The following CPSF1 variants were observed in gnomAD, a reference collection of about 807,000 sequenced individuals.
CPSF1 encodes the protein cleavage and polyadenylation specific factor 1, also known as cleavage and polyadenylation specificity factor subunit 1.
CPSF1 carries 106 observed loss-of-function variants against 175.8 expected under a neutral mutation model. The ratio of observed to expected loss-of-function variants is 0.60; its 90% CI spans 0.52 to 0.71. The LOEUF (loss-of-function observed/expected upper bound fraction) is 0.71, where lower values mean the gene tolerates loss of function less well. Ranked by LOEUF, CPSF1 falls within the 30% of genes least tolerant of loss-of-function variation. The pLI, the probability that CPSF1 is intolerant of heterozygous loss-of-function variation, is 0.00. For synonymous variants in CPSF1, 1,024 were observed against 858.3 expected (o/e 1.19, Z -3.37); for missense variants, 1,734 against 2,022.9 (o/e 0.86, Z 2.74).
Position 144,393,939 on chromosome 8 carries a change from G to A in CPSF1, c.3959C>T (p.Thr1320Ile), listed in dbSNP as rs1820522258. 6.2e-7 allele frequency: 1 copy of A among 1,613,610 alleles called. No individual in the cohort carries two copies. Among genetic ancestry groups the A allele is most frequent in the African/African-American group, 1.3e-5 (1 of 75,014 alleles). The change falls in exon 35 of 38, where the codon ACT (threonine) becomes ATT (isoleucine). Residue 1320 changes from threonine to isoleucine, a missense_variant. Thr to Ile is a moderately conservative substitution (Grantham distance 89). Around this residue, in one of 10 missense-constraint regions of CPSF1, gnomAD observed 323 missense variants for 338.5 expected, o/e 0.95. Transcript: ENST00000616140. ...TFWRTPCRGATEGLSKKSVVW... is the reference protein window; with the variant it reads ...TFWRTPCRGAIEGLSKKSVVW... ...GACCGACTTTTTGCTGAGCCCTTCA[G>A]TGGCCCCCCGGCACGGGGTCCTCCA...
chr8:144,400,512 C>T lies in CPSF1; in HGVS notation c.687-19G>A, dbSNP rs2116875874. On this transcript the variant is annotated intron_variant, in intron 7 of 37. Coordinates refer to ENST00000616140, the MANE Select transcript of CPSF1 (RefSeq NM_013291.3). Reference sequence around the variant, plus strand: ...CACGCGCCTGGGGACGCCAGTGGGTCAGCCAAGGGCCTTGCCTCCCCGCAG... The same window carrying T: ...CACGCGCCTGGGGACGCCAGTGGGTTAGCCAAGGGCCTTGCCTCCCCGCAG... The T allele has an allele frequency of 1.9e-6, 3 of 1,611,754 alleles. No homozygotes were observed. Among genetic ancestry groups the T allele is most frequent in the Non-Finnish European group, 2.5e-6 (3 of 1,179,828 alleles).
At chr8:144,405,855 C>A (rs1454158235) in intron 2 of CPSF1, among the ~76,000 whole-genome samples, 3 of 152,114 alleles carry the variant, frequency 2.0e-5, no homozygotes, top group African/African-American at 7.2e-5. Context: ...ACCAAGCTAG[C>A]CATGCTGGGG....
intron 2 of CPSF1, among the ~76,000 whole-genome samples, chr8:144,403,269 G>C (rs1258202694): frequency 6.6e-6 from 1 of 151,830 alleles, no homozygotes; most frequent in African/African-American, 2.4e-5. Flanking sequence ...GCTAATTTTT[G>C]TATTTTTAGT....
intron 36 of CPSF1, 22 bp downstream of exon 36, chr8:144,393,645 C>A: frequency 6.4e-7 from 1 of 1,566,540 alleles, no homozygotes. Flanking sequence ...GGGTGCTGCA[C>A]GGGGGCGGGG....
At chr8:144,405,205 C>T (rs2116901258) in intron 2 of CPSF1, among the ~76,000 whole-genome samples, 1 of 152,354 alleles carries the variant, frequency 6.6e-6, no homozygotes. Context: ...CCCAACCAAG[C>T]ATCAAAGCAT....
chr8:144,396,144 G>GGTCTGAAACCCACACCTTGTACCACA, intron 26 of CPSF1: 1 of 611,904 alleles, frequency 1.6e-6, no homozygotes, highest in Non-Finnish European at 2.8e-6. Flanking sequence ...AGGGGCTGCA[G>GGTCTGAAACCCACACCTTGTACCACA]CCCCAGCTCC....
Position 144,394,992 on chromosome 8 carries a change from A to G in CPSF1, c.3304T>C (p.Cys1102Arg). The change falls in exon 30 of 38, where the codon TGC becomes CGC. Residue 1102 changes from cysteine (C) to arginine (R), a missense_variant. Around this residue, in one of 10 missense-constraint regions of CPSF1, gnomAD observed 585 missense variants for 584.7 expected, o/e 1.00. Transcript: ENST00000616140. ...IELQEWEHVT[C>R]MKTVSLRSEE... is the part of the protein sequence containing the mutation. ...CTGCGCAGAGACACTGTCTTCATGC[A>G]GGTCACATGCTCCCACTCCTGCAGC... The G allele has an allele frequency of 6.2e-7, 1 of 1,612,044 alleles. No individual in the cohort carries two copies. The highest frequency in any genetic ancestry group is 8.5e-7 in the Non-Finnish European group (1 of 1,179,192).
At position 144,399,742 on chromosome 8, in the gene CPSF1, C is replaced by T. The variant is rs2116865763; in HGVS notation, c.1120-32G>A. 1.9e-5 allele frequency: 30 copies of T among 1,599,424 alleles called. No individual in the cohort carries two copies. The highest frequency in any genetic ancestry group is 9.4e-5 in the African/African-American group (7 of 74,608). On this transcript the variant is annotated intron_variant, in intron 11 of 37. Coordinates refer to ENST00000616140, the MANE Select transcript of CPSF1 (RefSeq NM_013291.3). This position sits in a 1 kb window ranked among gnomAD's most constrained non-coding sequence, Gnocchi z 6.4. ...GAGGGCAGGTGTGTGATGGCTGGGC[C>T]GGGTCTGGACCCAGACCCAACCCCT... is the stretch of plus-strand genomic sequence containing the variant.
chr8:144,395,341 G>A lies in CPSF1; in HGVS notation c.3111C>T (p.Ala1037=), dbSNP rs782559334. 2.5e-6 allele frequency: 4 copies of A among 1,613,514 alleles called. No homozygotes were observed. The highest frequency in any genetic ancestry group is 2.2e-5 in the South Asian group (2 of 91,072). The change falls in exon 28 of 38, where the codon GCC becomes GCT. Residue 1037 remains alanine (A), a synonymous_variant. Transcript: ENST00000616140. ...GGGCACACGGCGTGTTGGTGCTGGT[G>A]GCCACAGCATACACCTGTGGGTTAG... ...YHVESKVYAV[A]TSTNTPCARI...
chr8:144,402,029 G>A (rs1011993542), intron 2 of CPSF1, among the ~76,000 whole-genome samples: 3 of 152,162 alleles, frequency 2.0e-5, no homozygotes, highest in Admixed American at 1.3e-4. Context: ...GCCCAGCCCC[G>A]GCCCCTGGGT....
chr8:144,400,135 G>GGGGGGGCCCCCCCCCCCCCC, intron 9 of CPSF1, 31 bp downstream of exon 9: 13 of 895,972 alleles, frequency 1.5e-5, no homozygotes, highest in Middle Eastern at 3.7e-4. Context: ...CCGTCCCCGG[G>GGGGGGGCCCCCCCCCCCCCC]CCCCCCCCGC....
chr8:144,406,986 G>C (rs1305275953), intron 2 of CPSF1, among the ~76,000 whole-genome samples: 1 of 151,804 alleles, frequency 6.6e-6, no homozygotes, highest in Non-Finnish European at 1.5e-5. Flanking sequence ...TGCAATCTCG[G>C]CTCACTGCAA....
In CPSF1 at chr8:144,397,279, CT is replaced by C; in HGVS notation, c.2519del (p.Gln840ArgfsTer116). 2.6e-6 allele frequency: 4 copies of C among 1,549,664 alleles called. No homozygotes were observed. Among genetic ancestry groups the C allele is most frequent in the Non-Finnish European group, 3.5e-6 (4 of 1,147,130 alleles). On this transcript the variant is annotated frameshift_variant, in exon 23 of 38. Transcript: ENST00000616140. LOFTEE classifies it high-confidence loss of function. ...CCTCCTTGACGAGGGGCAGCTCCCC[CT>C]GGCGCGTGGCCTCCTCCCTGCGGGC... is the stretch of plus-strand genomic sequence containing the variant. ...GEARREEATR[Q>X]GELPLVKEVL...
In CPSF1 at chr8:144,400,777, GC is replaced by G. The variant is rs2116878070; in HGVS notation, c.579del (p.Arg194GlyfsTer3). 6.2e-7 allele frequency: 1 copy of G among 1,613,782 alleles called. No individual in the cohort carries two copies. The highest frequency in any genetic ancestry group is 8.5e-7 in the Non-Finnish European group (1 of 1,179,930). ...SSFLPSYIID[V>X]RALDEKLLNI... ...TTGAGCAGCTTCTCGTCTAGGGCCCGCACGTCGATGATGTAGCTGGGCAGGA... is the reference window on the plus strand; with the variant it reads ...TTGAGCAGCTTCTCGTCTAGGGCCCGACGTCGATGATGTAGCTGGGCAGGA... On this transcript the variant is annotated frameshift_variant, in exon 7 of 38. Coordinates refer to ENST00000616140, the MANE Select transcript of CPSF1 (RefSeq NM_013291.3). LOFTEE classifies it high-confidence loss of function.
At position 144,397,755 on chromosome 8, in the gene CPSF1, C is replaced by G. The variant is rs1554864532; in HGVS notation, c.2198G>C (p.Gly733Ala). 6.2e-7 allele frequency: 1 copy of G among 1,605,928 alleles called. No individual in the cohort carries two copies. The highest frequency in any genetic ancestry group is 1.7e-5 in the Admixed American group (1 of 59,746). ...AGCCCCCACGCACCTAGTCTCTGAGCCCAGGCCCTCGGCCTCCGGGCCACT... is the reference window on the plus strand; with the variant it reads ...AGCCCCCACGCACCTAGTCTCTGAGGCCAGGCCCTCGGCCTCCGGGCCACT... ...GRSGPEAEGLGSETSPTVDDE... is the reference protein window; with the variant it reads ...GRSGPEAEGLASETSPTVDDE... The change falls in exon 21 of 38, where the codon GGC becomes GCC. Residue 733 changes from glycine (G) to alanine (A), a missense_variant. This residue lies in a region of CPSF1 where 585 missense variants were observed against 584.7 expected (regional missense o/e 1.00). Coordinates refer to ENST00000616140, the MANE Select transcript of CPSF1 (RefSeq NM_013291.3).
intron 1 of CPSF1, 23 bp downstream of exon 1, chr8:144,409,266 C>T: frequency 8.3e-6 from 9 of 1,084,758 alleles, no homozygotes; most frequent in African/African-American, 1.7e-5. Flanking sequence ...GCTGCCGCCT[C>T]GGCCGCCCGC....
rs2116857332 is a variant in CPSF1, at chr8:144,399,030, G to A, written c.1476C>T (p.Asn492=). 805 of 1,599,284 alleles carry A rather than the reference G, an allele frequency of 5.0e-4. No individual in the cohort carries two copies. Among genetic ancestry groups the A allele is most frequent in the Non-Finnish European group, 6.7e-4 (787 of 1,173,544 alleles). The part of the protein sequence containing the change: ...EPAFLSEEFQ[N]SPEPDLEIVV... The stretch of plus-strand genomic sequence containing the variant: ...CAATCTCCAGGTCCGGCTCGGGGCT[G>A]TTCTGAAACTGCACAGGACTCGGGG... Residue 492 remains asparagine (N), a synonymous_variant, in exon 16 of 38, where the codon AAC becomes AAT. Coordinates refer to ENST00000616140, the MANE Select transcript of CPSF1 (RefSeq NM_013291.3). The surrounding 1 kb of genome is among the most constrained non-coding windows in gnomAD (Gnocchi z 6.4).
At chr8:144,398,917 G>A (rs1554865252) in intron 16 of CPSF1, 41 bp downstream of exon 16, 41 of 1,611,706 alleles carry the variant, frequency 2.5e-5, no homozygotes, top group Non-Finnish European at 3.5e-5. Flanking sequence ...AGCCCACCCA[G>A]GTCCCACCAG....
intron 23 of CPSF1, 85 bp downstream of exon 23, chr8:144,397,122 G>A (rs1204113340): frequency 1.6e-6 from 2 of 1,276,112 alleles, no homozygotes; most frequent in Non-Finnish European, 2.1e-6. Flanking sequence ...AGATGGGGTG[G>A]AGCCACGGGA....
Sources: gnomAD v4.1 joint callset for allele counts (sites outside exome capture counted in the v4.1 genomes callset) on GRCh38, gnomAD v4.1.1 for gene constraint, gnomAD v4.1.1 regional missense constraint, Gnocchi (gnomAD v3.1) non-coding constraint, MANE v1.5 for transcripts, NCBI Gene and HGNC (gene_info 2026-07-23, HGNC 2026-07-21) for gene names.